The following ZFHX4 variants were observed in gnomAD, a reference collection of about 807,000 sequenced individuals.
The protein encoded by ZFHX4 is zinc finger homeobox protein 4.
In ZFHX4, 56 loss-of-function variants were observed where a neutral mutation model predicts 267.6. The observed-to-expected ratio is 0.21, with a 90% CI of 0.17 to 0.26. The LOEUF is 0.26. Among genes scored for constraint, ZFHX4 ranks in the 10% least tolerant of loss-of-function variants. ZFHX4 has a pLI of 1.00. For synonymous variants in ZFHX4, 1,778 were observed against 1,665.6 expected (o/e 1.07, Z -1.64); for missense variants, 4,332 against 4,420.0 (o/e 0.98, Z 0.56).
chr8:76,706,596 G>A lies in ZFHX4; in HGVS notation c.2508G>A (p.Leu836=). Residue 836 remains leucine (L), a synonymous_variant, in exon 2 of 11, where the codon CTG becomes CTA. Transcript: ENST00000651372. Reference sequence around the variant, plus strand: ...ACATAGGCCTGACCGGAATGAAGCTGGAAAACCCTGCCGACCCTCAGCTGA... The same window carrying A: ...ACATAGGCCTGACCGGAATGAAGCTAGAAAACCCTGCCGACCCTCAGCTGA... ...AQNIGLTGMK[L]ENPADPQLMI... 6.2e-7 allele frequency: 1 copy of A among 1,609,528 alleles called. No homozygotes were observed. Among genetic ancestry groups the A allele is most frequent in the Non-Finnish European group, 8.5e-7 (1 of 1,178,196 alleles).
chr8:76,763,397 T>C (rs1333370091), intron 3 of ZFHX4, among the ~76,000 whole-genome samples: 1 of 152,006 alleles, frequency 6.6e-6, no homozygotes, highest in East Asian at 1.9e-4. Context: ...CTGAGGTGAG[T>C]AGATCACTTG....
chr8:76,809,993 A>G (rs1811335959), intron 4 of ZFHX4, among the ~76,000 whole-genome samples: 1 of 152,192 alleles, frequency 6.6e-6, no homozygotes, highest in South Asian at 2.1e-4. Flanking sequence ...ATAAAATTGA[A>G]TATAGTAACT....
At chr8:76,842,902 C>A in intron 6 of ZFHX4, 131 bp downstream of exon 6, 1 of 586,664 alleles carries the variant, frequency 1.7e-6, no homozygotes, top group Non-Finnish European at 3.0e-6. Flanking sequence ...TCTGAACATT[C>A]CCACTACTAT....
Position 76,854,174 on chromosome 8 carries a change from C to G in ZFHX4, c.7253C>G (p.Pro2418Arg). 1.3e-6 allele frequency: 2 copies of G among 1,586,130 alleles called. No individual in the cohort carries two copies. The highest frequency in any genetic ancestry group is 1.7e-4 in the Middle Eastern group (1 of 6,032). Residue 2418 changes from proline to arginine, a missense_variant, in exon 10 of 11, where the codon CCC becomes CGC. Physicochemically the swap from Pro to Arg is moderately radical, Grantham distance 103. Around this residue, in one of 7 missense-constraint regions of ZFHX4, gnomAD observed 1,648 missense variants for 1,625.0 expected, o/e 1.01. Coordinates refer to ENST00000651372, the MANE Select transcript of ZFHX4 (RefSeq NM_024721.5). ...YPAEKPKQSD[P>R]SPPSQGTKPA... Reference sequence around the variant, plus strand: ...GCAGAAAAGCCAAAGCAGAGTGACCCCTCTCCCCCTTCTCAAGGCACCAAA... The same window carrying G: ...GCAGAAAAGCCAAAGCAGAGTGACCGCTCTCCCCCTTCTCAAGGCACCAAA...
Position 76,854,011 on chromosome 8 carries a change from T to C in ZFHX4, c.7090T>C (p.Cys2364Arg). The C allele has an allele frequency of 6.2e-7, 1 of 1,613,892 alleles. No homozygotes were observed. Among genetic ancestry groups the C allele is most frequent in the Non-Finnish European group, 8.5e-7 (1 of 1,179,844 alleles). Reference sequence around the variant, plus strand: ...CACTGATCAAGTGGTATACAAGCATTGCACAGTGTCTGGCCAAACGGATGC... The same window carrying C: ...CACTGATCAAGTGGTATACAAGCATCGCACAGTGTCTGGCCAAACGGATGC... ...DATDQVVYKH[C>R]TVSGQTDAAK... The change falls in exon 10 of 11, where the codon TGC (cysteine) becomes CGC (arginine). Residue 2364 changes from cysteine to arginine, a missense_variant. Cys to Arg is a radical substitution (Grantham distance 180). This residue lies in a region of ZFHX4 where 1,648 missense variants were observed against 1,625.0 expected (regional missense o/e 1.01). Coordinates refer to ENST00000651372, the MANE Select transcript of ZFHX4 (RefSeq NM_024721.5).
rs576361908 is a variant in ZFHX4, at chr8:76,689,531, G to C, written c.-47+7911G>C. Reference sequence around the variant, plus strand: ...CCCTGATGATATAACCAAGATCTTAGTGCACTCACAGTCTTTGATGGCTAA... The same window carrying C: ...CCCTGATGATATAACCAAGATCTTACTGCACTCACAGTCTTTGATGGCTAA... On this transcript the variant is annotated intron_variant, in intron 1 of 10. Coordinates refer to ENST00000651372, the MANE Select transcript of ZFHX4 (RefSeq NM_024721.5). 2.0e-5 allele frequency among the ~76,000 whole-genome samples: 3 copies of C among 152,248 alleles called. No individual in the cohort carries two copies. The South Asian group carries it at 6.2e-4, about 31-fold the overall frequency.
chr8:76,773,044 G>A (rs950837969), intron 3 of ZFHX4, among the ~76,000 whole-genome samples: 3 of 152,076 alleles, frequency 2.0e-5, no homozygotes, highest in South Asian at 2.1e-4. Flanking sequence ...TTTAGGCCAC[G>A]AGCACCCTGA....
chr8:76,849,464 A>G, intron 7 of ZFHX4, 48 bp from the exon 8 acceptor site: 1 of 1,519,754 alleles, frequency 6.6e-7, no homozygotes, highest in Non-Finnish European at 9.1e-7. Flanking sequence ...TGTATCAAAT[A>G]AGAAATGCAT....
At position 76,863,900 on chromosome 8, in the gene ZFHX4, G is replaced by T; in HGVS notation, c.10186G>T (p.Val3396Phe). ...TGCAGACTTTTCAGACACTTACGTTGTTCCATTCGTCAAGTATGAGTTTAT... is the reference window on the plus strand; with the variant it reads ...TGCAGACTTTTCAGACACTTACGTTTTTCCATTCGTCAAGTATGAGTTTAT... ...KSADFSDTYVVPFVKYEFICR... is the reference protein window; with the variant it reads ...KSADFSDTYVFPFVKYEFICR... Residue 3396 changes from valine (V) to phenylalanine (F), a missense_variant, in exon 11 of 11, where the codon GTT becomes TTT. Val to Phe is a conservative substitution (Grantham distance 50, BLOSUM62 -1). Coordinates refer to ENST00000651372, the MANE Select transcript of ZFHX4 (RefSeq NM_024721.5). 6.3e-7 allele frequency: 1 copy of T among 1,578,348 alleles called. No individual in the cohort carries two copies. Among genetic ancestry groups the T allele is most frequent in the Non-Finnish European group, 8.6e-7 (1 of 1,161,236 alleles).
intron 4 of ZFHX4, among the ~76,000 whole-genome samples, chr8:76,805,867 G>A (rs1811232104): frequency 6.6e-6 from 1 of 151,804 alleles, no homozygotes; most frequent in Admixed American, 6.6e-5. Context: ...GAAAAAAAAA[G>A]GTTTAAATAA....
chr8:76,681,355 T>C lies in ZFHX4; in HGVS notation c.-312T>C, dbSNP rs1807523267. On this transcript the variant is annotated 5_prime_UTR_variant, in exon 1 of 11. Transcript: ENST00000651372. The stretch of plus-strand genomic sequence containing the variant: ...TCGGATTTTCATTTCCTTTCCTCCT[T>C]TTCCCAACCCCTTCACAACCAAACA... 7.5e-6 allele frequency: 3 copies of C among 398,730 alleles called. No individual in the cohort carries two copies. Among genetic ancestry groups the C allele is most frequent in the Non-Finnish European group, 1.3e-5 (3 of 226,034 alleles). 24.7% of individuals were successfully genotyped at this position (398,730 alleles called of 1,614,324 possible).
chr8:76,699,744 C>CA (rs34108017), intron 1 of ZFHX4, among the ~76,000 whole-genome samples: 21,404 of 89,430 alleles, frequency 0.24, 2,391 homozygotes, highest in African/African-American at 0.39. Flanking sequence ...GCAACTGATG[C>CA]AAAAAAAAAA....
chr8:76,709,101 T>G (rs1355387585), intron 3 of ZFHX4, among the ~76,000 whole-genome samples: 1 of 152,200 alleles, frequency 6.6e-6, no homozygotes, highest in Admixed American at 6.5e-5. Context: ...TAACACTATT[T>G]AAAATTATAA....
intron 3 of ZFHX4, among the ~76,000 whole-genome samples, chr8:76,734,857 TAATAAG>T (rs1329085557): frequency 6.6e-6 from 1 of 152,176 alleles, no homozygotes; most frequent in East Asian, 1.9e-4. Context: ...CTGTAACATG[TAATAAG>T]AATATTTCCT....
At chr8:76,749,013 G>A (rs1809544340) in intron 3 of ZFHX4, among the ~76,000 whole-genome samples, 1 of 152,128 alleles carries the variant, frequency 6.6e-6, no homozygotes, top group South Asian at 2.1e-4. Context: ...GCTATCTTCT[G>A]TTACAATCCA....
chr8:76,745,188 C>T (rs1809427668), intron 3 of ZFHX4, among the ~76,000 whole-genome samples: 1 of 152,156 alleles, frequency 6.6e-6, no homozygotes, highest in African/African-American at 2.4e-5. Flanking sequence ...GATCAAGCAT[C>T]ACACCCATGA....
chr8:76,768,950 G>T (rs546060505), intron 3 of ZFHX4, among the ~76,000 whole-genome samples: 108 of 152,040 alleles, frequency 7.1e-4, no homozygotes, highest in Non-Finnish European at 9.3e-4. Context: ...TAAGAAAGTT[G>T]AGCTAGGTGT....
chr8:76,696,557 CAT>C (rs1807961893), intron 1 of ZFHX4, among the ~76,000 whole-genome samples: 1 of 144,918 alleles, frequency 6.9e-6, no homozygotes, highest in African/African-American at 2.5e-5. Context: ...AATTAAAGTT[CAT>C]ATATTTAAAA....
chr8:76,859,444 A>G (rs1812812666), intron 10 of ZFHX4, among the ~76,000 whole-genome samples: 1 of 152,176 alleles, frequency 6.6e-6, no homozygotes. Context: ...GTATGTTTAT[A>G]TACCTGGAAA....
Sources: allele counts gnomAD v4.1 joint callset (sites outside exome capture counted in the v4.1 genomes callset), GRCh38; gene constraint gnomAD v4.1.1; regional missense constraint gnomAD v4.1.1; transcripts MANE v1.5; gene names NCBI Gene and HGNC (gene_info 2026-07-23, HGNC 2026-07-21).